Variants in SPTLC1 observed in about 807,000 individuals in gnomAD.
The protein encoded by SPTLC1 is serine palmitoyltransferase long chain base subunit 1, also known as serine palmitoyltransferase 1.
Under a neutral mutation model 68.9 loss-of-function variants are expected in SPTLC1, and 55 were observed. The observed-to-expected ratio is 0.80, with a 90% CI of 0.64 to 1.00. The LOEUF (loss-of-function observed/expected upper bound fraction) is 1.00. Ranked by LOEUF, SPTLC1 falls within the 50% of genes least tolerant of loss-of-function variation. The pLI is 0.00. For synonymous variants in SPTLC1, 197 were observed against 201.6 expected (o/e 0.98, Z 0.19); for missense variants, 449 against 573.1 (o/e 0.78, Z 2.21).
chr9:92,086,086 A>G (rs1446627571), intron 3 of SPTLC1, among the ~76,000 whole-genome samples: 2 of 150,592 alleles, frequency 1.3e-5, no homozygotes, highest in Admixed American at 6.6e-5. Context: ...TTTGTTTTCC[A>G]TTTGCTTGGT....
chr9:92,085,787 T>C (rs941608466), intron 3 of SPTLC1, among the ~76,000 whole-genome samples: 16 of 152,264 alleles, frequency 1.1e-4, no homozygotes, highest in African/African-American at 3.9e-4. Flanking sequence ...GTTCAATTCC[T>C]GGGTATCCTT....
intron 1 of SPTLC1, 71 bp from the exon 2 acceptor site, chr9:92,112,633 A>C (rs932888868): frequency 3.0e-5 from 27 of 912,334 alleles, no homozygotes; most frequent in Non-Finnish European, 4.1e-5. Context: ...AATTTACTAC[A>C]CCTGCATATA....
intron 7 of SPTLC1, among the ~76,000 whole-genome samples, chr9:92,057,702 T>A (rs1833944312): frequency 6.6e-6 from 1 of 152,044 alleles, no homozygotes; most frequent in Admixed American, 6.6e-5. Flanking sequence ...GCTTGGAAAA[T>A]GGACAAAGAA....
intron 5 of SPTLC1, among the ~76,000 whole-genome samples, chr9:92,069,125 G>A (rs181597030): frequency 1.1e-4 from 17 of 152,298 alleles, no homozygotes; most frequent in Admixed American, 1.0e-3. Context: ...TGAGTGAGCC[G>A]TGATGTGTCT....
intron 3 of SPTLC1, among the ~76,000 whole-genome samples, chr9:92,102,830 A>T (rs1008253711): frequency 2.0e-5 from 3 of 152,216 alleles, no homozygotes; most frequent in African/African-American, 7.2e-5. Flanking sequence ...TTGAATATAG[A>T]TAGTTTTGAT....
At chr9:92,104,566 G>C (rs1835884958) in intron 3 of SPTLC1, 1 of 1,473,866 alleles carries the variant, frequency 6.8e-7, no homozygotes, top group Non-Finnish European at 9.2e-7. Flanking sequence ...GCCCCGTGAG[G>C]ATCTCTTGTC....
chr9:92,061,760 C>T (rs1313592679), intron 6 of SPTLC1, among the ~76,000 whole-genome samples: 1 of 152,126 alleles, frequency 6.6e-6, no homozygotes, highest in Non-Finnish European at 1.5e-5. Context: ...AAAGTTTCTA[C>T]ACTTGAATTG....
chr9:92,095,443 A>G (rs926602672), intron 3 of SPTLC1, among the ~76,000 whole-genome samples: 1 of 152,216 alleles, frequency 6.6e-6, no homozygotes, highest in Admixed American at 6.5e-5. Context: ...GCAGTGGGAA[A>G]TGGGGGCGGT....
rs1385641166 is a variant in SPTLC1, at chr9:92,080,961, G to A, written c.263C>T (p.Pro88Leu). The stretch of plus-strand genomic sequence containing the variant: ...ATTCACCACAGTTTTGTGGCTTGGA[G>A]GGCTAGGGAAGAGATAGAGTGGTAC... ...PALNYNIVSG[P>L]PSHKTVVNGK... The change falls in exon 4 of 15, where the codon CCT becomes CTT. Residue 88 changes from proline (P) to leucine (L), a missense_variant and splice_region_variant. Pro to Leu is a moderately conservative substitution (Grantham distance 98). Coordinates refer to ENST00000262554, the MANE Select transcript of SPTLC1 (RefSeq NM_006415.4). 2 of 1,613,072 alleles carry A rather than the reference G, an allele frequency of 1.2e-6. No homozygotes were observed. Among genetic ancestry groups the A allele is most frequent in the East Asian group, 4.5e-5 (2 of 44,888 alleles).
At chr9:92,059,746 T>C (rs1057059700) in intron 6 of SPTLC1, among the ~76,000 whole-genome samples, 1 of 152,112 alleles carries the variant, frequency 6.6e-6, no homozygotes, top group African/African-American at 2.4e-5. Flanking sequence ...ACAATGACTA[T>C]TCTACTGTAG....
intron 3 of SPTLC1, among the ~76,000 whole-genome samples, chr9:92,084,729 T>C: frequency 6.6e-6 from 1 of 151,934 alleles, no homozygotes; most frequent in Non-Finnish European, 1.5e-5. Flanking sequence ...CTGCCCAGCT[T>C]TGGTATCAGG....
At chr9:92,075,116 C>T (rs1426511522) in intron 5 of SPTLC1, among the ~76,000 whole-genome samples, 1 of 152,142 alleles carries the variant, frequency 6.6e-6, no homozygotes, top group African/African-American at 2.4e-5. Context: ...ATCCTCCCAG[C>T]AAGACACTAT....
At chr9:92,064,543 T>C (rs188730151) in intron 6 of SPTLC1, among the ~76,000 whole-genome samples, 5 of 152,332 alleles carry the variant, frequency 3.3e-5, no homozygotes, top group African/African-American at 1.2e-4. Context: ...CTTTGGAAAA[T>C]AGTTTAGGAG....
rs1834681188 is a variant in SPTLC1, at chr9:92,076,267, C to T, written c.427+3749G>A. On this transcript the variant is annotated intron_variant, in intron 5 of 14. Coordinates refer to ENST00000262554, the MANE Select transcript of SPTLC1 (RefSeq NM_006415.4). Reference sequence around the variant, plus strand: ...CTTAATAAAGCCCTCCTTAAAGCTGCCCTCCTTCCAGCCAAAGCCAGAGTA... The same window carrying T: ...CTTAATAAAGCCCTCCTTAAAGCTGTCCTCCTTCCAGCCAAAGCCAGAGTA... Among the ~76,000 whole-genome samples, 8 of 152,186 alleles carry T rather than the reference C, an allele frequency of 5.3e-5. No homozygotes were observed. In the South Asian group the frequency reaches 1.7e-3, roughly 32 times the overall value.
chr9:92,080,834 T>A (rs1444139026), intron 4 of SPTLC1, 36 bp downstream of exon 4: 1 of 1,494,678 alleles, frequency 6.7e-7, no homozygotes, highest in East Asian at 2.3e-5. Flanking sequence ...AAATCAGTAA[T>A]GTTATCTGTC....
intron 12 of SPTLC1, among the ~76,000 whole-genome samples, chr9:92,045,524 T>TTAAAAAAAA (rs1274356655): frequency 3.2e-5 from 1 of 31,638 alleles, no homozygotes; most frequent in African/African-American, 1.1e-4. Context: ...TCTTGTGTAG[T>TTAAAAAAAA]AAAAAAAAAA....
rs141655575 is a variant in SPTLC1, at chr9:92,045,841, G to A, written c.1136+158C>T. ...CACGATTCTTTAAAACAGATGATCT[G>A]GTTTTACACAAATAAACCAATGTGA... On this transcript the variant is annotated intron_variant, in intron 12 of 14. Coordinates refer to ENST00000262554, the MANE Select transcript of SPTLC1 (RefSeq NM_006415.4). Among the ~76,000 whole-genome samples the A allele has an allele frequency of 6.6e-5, 10 of 152,184 alleles. No individual in the cohort carries two copies. The East Asian group carries it at 1.7e-3, about 26-fold the overall frequency.
At chr9:92,089,269 T>C (rs2118732185) in intron 3 of SPTLC1, among the ~76,000 whole-genome samples, 1 of 152,076 alleles carries the variant, frequency 6.6e-6, no homozygotes, top group East Asian at 1.9e-4. Context: ...AAAAATAAGC[T>C]AGGCATGGTG....
chr9:92,106,473 A>G (rs1437984016), intron 3 of SPTLC1, among the ~76,000 whole-genome samples: 1 of 102,964 alleles, frequency 9.7e-6, no homozygotes, highest in Non-Finnish European at 1.7e-5. Context: ...ACTCCGTCTC[A>G]AAAAAAAAAA....
Sources: gnomAD v4.1 joint callset for allele counts (sites outside exome capture counted in the v4.1 genomes callset) on GRCh38, gnomAD v4.1.1 for gene constraint, MANE v1.5 for transcripts, NCBI Gene and HGNC (gene_info 2026-07-23, HGNC 2026-07-21) for gene names.